F13A1: variants seen among roughly 807,000 people sequenced by gnomAD.
F13A1 encodes the protein coagulation factor XIII A chain.
F13A1 carries 47 observed loss-of-function variants against 80.1 expected under a neutral mutation model. That is an observed-to-expected ratio of 0.59 (90% confidence interval 0.46 to 0.75). The LOEUF is 0.75. Among genes scored for constraint, F13A1 ranks in the 30% least tolerant of loss-of-function variants. F13A1 has a pLI of 0.00. For missense variants in F13A1, 817 were observed against 930.4 expected, an observed-to-expected ratio of 0.88 and a Z score of 1.59; for synonymous variants, 349 against 344.9, an observed-to-expected ratio of 1.01 and a Z score of -0.13.
intron 3 of F13A1, among the ~76,000 whole-genome samples, chr6:6,300,492 G>A (rs901171346): frequency 5.9e-5 from 9 of 152,032 alleles, no homozygotes; most frequent in Non-Finnish European, 1.3e-4. Flanking sequence ...TGGGGTGGGA[G>A]TGACCCCATT....
At chr6:6,227,160 G>A (rs1757288286) in intron 6 of F13A1, among the ~76,000 whole-genome samples, 1 of 152,234 alleles carries the variant, frequency 6.6e-6, no homozygotes. Context: ...GAATGACAAA[G>A]CCTTCACTGA....
At chr6:6,187,105 C>A (rs1422186000) in intron 10 of F13A1, among the ~76,000 whole-genome samples, 1 of 125,070 alleles carries the variant, frequency 8.0e-6, no homozygotes, top group African/African-American at 3.2e-5. Flanking sequence ...AGTTGCTTAT[C>A]AGCTTAAGGA....
chr6:6,211,952 A>G (rs180959835), intron 8 of F13A1, among the ~76,000 whole-genome samples: 12 of 151,892 alleles, frequency 7.9e-5, no homozygotes, highest in African/African-American at 2.9e-4. Context: ...CTCCCACCCA[A>G]ATACTGCGCT....
At chr6:6,272,252 C>T (rs1757931160) in intron 3 of F13A1, among the ~76,000 whole-genome samples, 2 of 152,126 alleles carry the variant, frequency 1.3e-5, no homozygotes, top group Admixed American at 6.5e-5. Context: ...AATACAATGT[C>T]CTAGGTGGTG....
At chr6:6,312,758 T>G (rs533415856) in intron 2 of F13A1, among the ~76,000 whole-genome samples, 1 of 151,650 alleles carries the variant, frequency 6.6e-6, no homozygotes, top group East Asian at 1.9e-4. Context: ...AAAACTTGGC[T>G]AAGAAGGGGA....
chr6:6,223,986 G>A (rs1250129034), intron 7 of F13A1, among the ~76,000 whole-genome samples: 1 of 152,144 alleles, frequency 6.6e-6, no homozygotes, highest in African/African-American at 2.4e-5. Context: ...TGAATTAATT[G>A]TAATATCGTC....
rs375255557 is a variant in F13A1, at chr6:6,197,287, A to G, written c.1152T>C (p.Pro384=). 1.3e-4 allele frequency: 210 copies of G among 1,614,126 alleles called. No homozygotes were observed. Among genetic ancestry groups the G allele is most frequent in the Non-Finnish European group, 1.8e-4 (207 of 1,180,048 alleles). Residue 384 remains proline (P), a synonymous_variant, in exon 9 of 15, where the codon CCT becomes CCC. Coordinates refer to ENST00000264870, the MANE Select transcript of F13A1 (RefSeq NM_000129.4). ...AGCCTCCAAATCCAACAGGAAGGTC[A>G]GGCCTTGTCATCCATGCTTCATTCC... ...HCWNEAWMTR[P]DLPVGFGGWQ...
chr6:6,163,229 G>A (rs941405553), intron 13 of F13A1, among the ~76,000 whole-genome samples: 12 of 152,162 alleles, frequency 7.9e-5, no homozygotes, highest in East Asian at 5.8e-4. Flanking sequence ...GGGTGTGAGC[G>A]TTTTCTTAGA....
intron 10 of F13A1, 132 bp from the exon 11 acceptor site, chr6:6,182,273 G>T (rs1021557047): frequency 3.3e-6 from 3 of 906,692 alleles, no homozygotes; most frequent in Non-Finnish European, 5.3e-6. Flanking sequence ...CATTGGATTC[G>T]TATCATAGGG....
At chr6:6,158,656 G>A (rs1210285777) in intron 13 of F13A1, among the ~76,000 whole-genome samples, 3 of 152,146 alleles carry the variant, frequency 2.0e-5, no homozygotes, top group South Asian at 2.1e-4. Flanking sequence ...ACGAGAGTGC[G>A]ATGGAGCCAC....
At chr6:6,201,496 G>A (rs1464445288) in intron 8 of F13A1, among the ~76,000 whole-genome samples, 1 of 152,136 alleles carries the variant, frequency 6.6e-6, no homozygotes, top group Admixed American at 6.6e-5. Context: ...GAACGAGAGG[G>A]TGCTACCTCC....
intron 3 of F13A1, among the ~76,000 whole-genome samples, chr6:6,300,453 T>G (rs1304965254): frequency 6.6e-6 from 1 of 152,022 alleles, no homozygotes; most frequent in Non-Finnish European, 1.5e-5. Flanking sequence ...GATGCGCCGT[T>G]TTTTAAGCCT....
At chr6:6,234,330 A>G (rs1757388819) in intron 6 of F13A1, among the ~76,000 whole-genome samples, 1 of 152,054 alleles carries the variant, frequency 6.6e-6, no homozygotes, top group South Asian at 2.1e-4. Flanking sequence ...CATCAAATCA[A>G]GCATTCAGCC....
Position 6,211,971 on chromosome 6 carries a change from G to A in F13A1, c.1112+10062C>T, listed in dbSNP as rs565588997. 2.4e-4 allele frequency among the ~76,000 whole-genome samples: 36 copies of A among 152,302 alleles called. No homozygotes were observed. The South Asian group carries it at 6.2e-3, about 26-fold the overall frequency. The stretch of plus-strand genomic sequence containing the variant: ...CACCCAAATACTGCGCTTTTCTGAC[G>A]GGCTTAAAAAACGGCACACCAGGAG... On this transcript the variant is annotated intron_variant, in intron 8 of 14. Transcript: ENST00000264870.
intron 14 of F13A1, among the ~76,000 whole-genome samples, chr6:6,150,099 G>A (rs140380139): frequency 6.6e-6 from 1 of 152,156 alleles, no homozygotes. Context: ...AATTCTAGGG[G>A]GATAGCCAAG....
chr6:6,240,312 C>T (rs999126501), intron 6 of F13A1, among the ~76,000 whole-genome samples: 2 of 152,152 alleles, frequency 1.3e-5, no homozygotes, highest in African/African-American at 2.4e-5. Flanking sequence ...AACTTCATTA[C>T]ACTGCTGGCT....
intron 4 of F13A1, among the ~76,000 whole-genome samples, chr6:6,265,077 A>G (rs993023489): frequency 5.9e-5 from 9 of 152,234 alleles, no homozygotes; most frequent in African/African-American, 1.7e-4. Context: ...CCTGGACAAC[A>G]TAGTGACACC....
At chr6:6,230,409 C>T (rs570786848) in intron 6 of F13A1, among the ~76,000 whole-genome samples, 2 of 152,172 alleles carry the variant, frequency 1.3e-5, no homozygotes, top group Non-Finnish European at 2.9e-5. Flanking sequence ...AGAAATCTCA[C>T]CCCCATCCCC....
intron 6 of F13A1, among the ~76,000 whole-genome samples, chr6:6,246,876 C>T (rs1195821496): frequency 6.6e-6 from 1 of 152,208 alleles, no homozygotes; most frequent in East Asian, 1.9e-4. Flanking sequence ...CCACTGCTAG[C>T]TGTTGCTTCC....
Sources: allele counts gnomAD v4.1 joint callset (sites outside exome capture counted in the v4.1 genomes callset), GRCh38; gene constraint gnomAD v4.1.1; transcripts MANE v1.5; gene names NCBI Gene and HGNC (gene_info 2026-07-23, HGNC 2026-07-21).